The following NRAP variants were observed in gnomAD, a reference collection of about 807,000 sequenced individuals.
The protein encoded by NRAP is nebulin-related-anchoring protein.
Under a neutral mutation model 225.9 loss-of-function variants are expected in NRAP, and 189 were observed. The ratio of observed to expected loss-of-function variants is 0.84; its 90% CI spans 0.74 to 0.94. The LOEUF is 0.94. Ranked by LOEUF, NRAP falls within the 40% of genes least tolerant of loss-of-function variation. The pLI, the probability that NRAP is intolerant of heterozygous loss-of-function variation, is 0.00. For synonymous variants in NRAP, 769 were observed against 790.7 expected, an observed-to-expected ratio of 0.97 and a Z score of 0.46; for missense variants, 2,176 against 2,168.7, an observed-to-expected ratio of 1.00 and a Z score of -0.07.
chr10:113,662,781 T>G lies in NRAP; in HGVS notation c.168-15A>C. 1 of 1,379,292 alleles carries G rather than the reference T, an allele frequency of 7.3e-7. No individual in the cohort carries two copies. Among genetic ancestry groups the G allele is most frequent in the Non-Finnish European group, 1.0e-6 (1 of 975,560 alleles). The allele number at this position is 1,379,292 out of a possible 1,614,324, so 85.4% of individuals were successfully genotyped here. ...TAGGGTTATGGCTACAACAAATAGG[T>G]ATAAATCAAAATTAGAAATGTACTT... On this transcript the variant is annotated splice_polypyrimidine_tract_variant and intron_variant, in intron 2 of 41. Coordinates refer to ENST00000359988, the MANE Select transcript of NRAP (RefSeq NM_198060.4).
chr10:113,588,906 G>T lies in NRAP; in HGVS notation c.*69C>A. 8.1e-7 allele frequency: 1 copy of T among 1,242,002 alleles called. No homozygotes were observed. The highest frequency in any genetic ancestry group is 1.3e-5 in the South Asian group (1 of 79,564). The allele number at this position is 1,242,002 out of a possible 1,614,324, so 76.9% of individuals were successfully genotyped here. A position where few individuals can be genotyped will look rare whatever the true frequency, so the allele number is the denominator to read the frequency against. On this transcript the variant is annotated 3_prime_UTR_variant, in exon 42 of 42. Transcript: ENST00000359988. The stretch of plus-strand genomic sequence containing the variant: ...GCCATTCCAGCTTGCCGAAATCAAA[G>T]CCATCTGAAGCCTGTCTCTGGTGAA...
chr10:113,643,238 T>C (rs948600707), intron 11 of NRAP, among the ~76,000 whole-genome samples, 200 bp from the exon 12 acceptor site: 1 of 152,240 alleles, frequency 6.6e-6, no homozygotes, highest in Non-Finnish European at 1.5e-5. Flanking sequence ...ATTGGTTTCA[T>C]TCAGAAAATT....
Position 113,588,837 on chromosome 10 carries a change from A to G in NRAP, c.*138T>C, listed in dbSNP as rs944248691. The G allele has an allele frequency of 5.2e-5, 36 of 692,892 alleles. No homozygotes were observed. Among genetic ancestry groups the G allele is most frequent in the Non-Finnish European group, 7.7e-5 (30 of 387,966 alleles). The allele number at this position is 692,892 out of a possible 1,614,324, so 42.9% of individuals were successfully genotyped here. A position where few individuals can be genotyped will look rare whatever the true frequency, so the allele number is the denominator to read the frequency against. On this transcript the variant is annotated 3_prime_UTR_variant, in exon 42 of 42. Transcript: ENST00000359988. ...AATACAACATTCTCCATCTGCTTTC[A>G]GAGTTATTATTTTAATAAAGGAAGA...
At chr10:113,603,014 TGC>T (rs1564703049) in intron 35 of NRAP, among the ~76,000 whole-genome samples, 1 of 152,206 alleles carries the variant, frequency 6.6e-6, no homozygotes, top group Non-Finnish European at 1.5e-5. Flanking sequence ...ACAATTAGCC[TGC>T]AAAAATGTCA....
intron 32 of NRAP, among the ~76,000 whole-genome samples, chr10:113,607,850 G>C (rs1020812637): frequency 2.0e-5 from 3 of 152,200 alleles, no homozygotes; most frequent in Non-Finnish European, 2.9e-5. Context: ...TTTACAGAAT[G>C]AGATTCCTTC....
At chr10:113,606,896 T>C (rs1847001684) in intron 32 of NRAP, among the ~76,000 whole-genome samples, 1 of 152,016 alleles carries the variant, frequency 6.6e-6, no homozygotes, top group South Asian at 2.1e-4. Context: ...TGAAACCTCG[T>C]CTCTACTAAA....
rs752746771 is a variant in NRAP, at chr10:113,606,200, G to A, written c.3785C>T (p.Thr1262Met). ...TACGTCACTCAGGTTGGCTGCATTCGTTTTTGCTCGGATGAACTCGGGCAG... is the reference window on the plus strand; with the variant it reads ...TACGTCACTCAGGTTGGCTGCATTCATTTTTGCTCGGATGAACTCGGGCAG... The part of the protein sequence containing the change: ...LGLPEFIRAK[T>M]NAANLSDARY... Residue 1262 changes from threonine (T) to methionine (M), a missense_variant, in exon 33 of 42, where the codon ACG becomes ATG. Physicochemically the swap from Thr to Met is moderately conservative, Grantham distance 81. Transcript: ENST00000359988. 13 of 1,613,708 alleles carry A rather than the reference G, an allele frequency of 8.1e-6. No homozygotes were observed. The highest frequency in any genetic ancestry group is 6.7e-5 in the Admixed American group (4 of 60,008).
At chr10:113,655,770 G>A (rs1850272368) in intron 4 of NRAP, among the ~76,000 whole-genome samples, 1 of 152,046 alleles carries the variant, frequency 6.6e-6, no homozygotes. Context: ...ATACTTAATG[G>A]TGCACCTATG....
chr10:113,642,319 A>G (rs1215542459), intron 12 of NRAP, among the ~76,000 whole-genome samples: 2 of 152,156 alleles, frequency 1.3e-5, no homozygotes, highest in East Asian at 3.9e-4. Flanking sequence ...CTCTTAAGCC[A>G]CTACATTTAT....
Position 113,663,894 on chromosome 10 carries a change from AAG to A in NRAP, c.-14_-13del, listed in dbSNP as rs775125568. ...GGCTGCACATTCATCTCGAAGCCGG[AAG>A]AGAGAGGACAAAGATAGGCAACAGG... On this transcript the variant is annotated 5_prime_UTR_variant, in exon 1 of 42. Transcript: ENST00000359988. 2 of 1,609,086 alleles carry A rather than the reference AAG, an allele frequency of 1.2e-6. No homozygotes were observed. The highest frequency in any genetic ancestry group is 1.7e-6 in the Non-Finnish European group (2 of 1,175,466).
chr10:113,648,859 T>C (rs1247434479), intron 9 of NRAP, among the ~76,000 whole-genome samples: 1 of 152,210 alleles, frequency 6.6e-6, no homozygotes, highest in Non-Finnish European at 1.5e-5. Context: ...ATTTCATCTG[T>C]ACCTACAGAC....
chr10:113,620,397 C>T (rs1847915307), intron 25 of NRAP, among the ~76,000 whole-genome samples: 1 of 152,126 alleles, frequency 6.6e-6, no homozygotes, highest in Non-Finnish European at 1.5e-5. Flanking sequence ...TATCATTTGT[C>T]ACCCACTTTG....
At chr10:113,617,397 G>A (rs1451654622) in intron 26 of NRAP, 58 bp downstream of exon 26, 34 of 1,025,648 alleles carry the variant, frequency 3.3e-5, no homozygotes, top group Admixed American at 8.5e-5. Flanking sequence ...CGCTTCAATC[G>A]CAGTGTTGAA....
intron 16 of NRAP, among the ~76,000 whole-genome samples, chr10:113,632,286 T>G (rs1322530825): frequency 3.9e-5 from 6 of 152,208 alleles, no homozygotes; most frequent in Admixed American, 2.6e-4. Flanking sequence ...CATATTCTCT[T>G]TCTCAGGATT....
chr10:113,588,958 A>G lies in NRAP; in HGVS notation c.*17T>C. ...AAACTTCCTCTCTGGCCTCTCAGGA[A>G]TCAGGGTGGACATGGCTCACAACAG... On this transcript the variant is annotated 3_prime_UTR_variant, in exon 42 of 42. Transcript: ENST00000359988. 2 of 1,576,730 alleles carry G rather than the reference A, an allele frequency of 1.3e-6. No individual in the cohort carries two copies. Among genetic ancestry groups the G allele is most frequent in the African/African-American group, 1.5e-5 (1 of 67,662 alleles).
At chr10:113,596,741 A>T (rs1846301390) in intron 37 of NRAP, among the ~76,000 whole-genome samples, 1 of 152,228 alleles carries the variant, frequency 6.6e-6, no homozygotes, top group African/African-American at 2.4e-5. Context: ...CATGATAAGG[A>T]GCACTTATTG....
At chr10:113,657,435 T>C in intron 4 of NRAP, 35 bp downstream of exon 4, 1 of 1,058,490 alleles carries the variant, frequency 9.4e-7, no homozygotes, top group Non-Finnish European at 1.5e-6. Context: ...TGTCATTCTT[T>C]CTTTTTCCAA....
At position 113,604,656 on chromosome 10, in the gene NRAP, CCTCGGGCAGTG is replaced by C; in HGVS notation, c.4169_4179del (p.Ala1390GlyfsTer16). The C allele has an allele frequency of 6.2e-7, 1 of 1,614,198 alleles. No homozygotes were observed. Among genetic ancestry groups the C allele is most frequent in the African/African-American group, 1.3e-5 (1 of 75,060 alleles). On this transcript the variant is annotated frameshift_variant, in exon 35 of 42. Transcript: ENST00000359988. LOFTEE classifies it high-confidence loss of function. The stretch of plus-strand genomic sequence containing the variant: ...TTCTTGGCCCAGGCCATCTTCAGGT[CCTCGGGCAGTG>C]CTGTGAACTTGTGATACTGTGTCCT...
Position 113,590,617 on chromosome 10 carries a change from G to A in NRAP, c.4917C>T (p.Gly1639=). 6.2e-7 allele frequency: 1 copy of A among 1,613,516 alleles called. No homozygotes were observed. Among genetic ancestry groups the A allele is most frequent in the Non-Finnish European group, 8.5e-7 (1 of 1,179,998 alleles). Residue 1639 remains glycine (G), a synonymous_variant, in exon 40 of 42, where the codon GGC becomes GGT. Transcript: ENST00000359988. ...PQPTCDPEQL[G]LRHAQKAHQL... ...GGTGGGCCTTCTGAGCATGCCTGAG[G>A]CCCAGCTGCTCCGGGTCGCAGGTGG...
Sources: gnomAD v4.1 joint callset for allele counts (sites outside exome capture counted in the v4.1 genomes callset) on GRCh38, gnomAD v4.1.1 for gene constraint, MANE v1.5 for transcripts, NCBI Gene and HGNC (gene_info 2026-07-23, HGNC 2026-07-21) for gene names.